The following CTNNAL1 variants were observed in gnomAD, a reference collection of about 807,000 sequenced individuals.
CTNNAL1 encodes alpha-catulin.
CTNNAL1 carries 69 observed loss-of-function variants against 93.6 expected under a neutral mutation model. The ratio of observed to expected loss-of-function variants is 0.74; its 90% CI spans 0.61 to 0.90. The LOEUF is 0.90. Among genes scored for constraint, CTNNAL1 ranks in the 40% least tolerant of loss-of-function variants. CTNNAL1 has a pLI of 0.00. For missense variants in CTNNAL1, 836 were observed against 862.0 expected (o/e 0.97, Z 0.38); for synonymous variants, 286 against 305.4 (o/e 0.94, Z 0.66).
chr9:108,983,272 T>G lies in CTNNAL1; in HGVS notation c.773A>C (p.Lys258Thr). 6.3e-7 allele frequency: 1 copy of G among 1,579,840 alleles called. No individual in the cohort carries two copies. ...HPNCESAHKN[K>T]EGVFDRMKVA... ...TTTCATACGGTCAAATACTCCTTCT[T>G]TGTTTTTATGGGCTGATTCGCAGTT... Residue 258 changes from lysine (K) to threonine (T), a missense_variant, in exon 6 of 19, where the codon AAA becomes ACA. Lys to Thr is a moderately conservative substitution (Grantham distance 78). Coordinates refer to ENST00000325551, the MANE Select transcript of CTNNAL1 (RefSeq NM_003798.4).
Position 108,977,084 on chromosome 9 carries a change from G to T in CTNNAL1, c.1102-36C>A, listed in dbSNP as rs776616104. The stretch of plus-strand genomic sequence containing the variant: ...TAAAAAGTATACATGTAATGTTACC[G>T]CATCTCTTTAATCTGTTAATTACAA... On this transcript the variant is annotated intron_variant, in intron 7 of 18. Coordinates refer to ENST00000325551, the MANE Select transcript of CTNNAL1 (RefSeq NM_003798.4). 2.7e-5 allele frequency: 26 copies of T among 948,476 alleles called. No individual in the cohort carries two copies. The Admixed American group carries it at 4.1e-4, about 15-fold the overall frequency. The allele number at this position is 948,476 out of a possible 1,614,324, so 58.8% of individuals were successfully genotyped here.
At position 108,999,212 on chromosome 9, in the gene CTNNAL1, A is replaced by G. The variant is rs1305134083; in HGVS notation, c.186T>C (p.Asp62=). ...INHKDNTKKS[D]KTLQAIQRVG... The stretch of plus-strand genomic sequence containing the variant: ...CACGCTGAATTGCTTGCAGAGTTTT[A>G]TCAGACTTTTTGGTATTATCTTTAT... The change falls in exon 2 of 19, where the codon GAT becomes GAC. Residue 62 remains aspartate, a synonymous_variant. Transcript: ENST00000325551. 6.2e-7 allele frequency: 1 copy of G among 1,610,894 alleles called. No individual in the cohort carries two copies. Among genetic ancestry groups the G allele is most frequent in the Non-Finnish European group, 8.5e-7 (1 of 1,179,188 alleles).
chr9:108,963,202 GA>G (rs1400272052), intron 11 of CTNNAL1, among the ~76,000 whole-genome samples: 2 of 152,210 alleles, frequency 1.3e-5, no homozygotes, highest in Non-Finnish European at 2.9e-5. Flanking sequence ...TCTTTCTTGA[GA>G]GGGGGGAAAA....
intron 15 of CTNNAL1, 41 bp downstream of exon 15, chr9:108,948,145 C>T: frequency 1.2e-6 from 2 of 1,601,220 alleles, no homozygotes; most frequent in Non-Finnish European, 1.7e-6. Context: ...CACTTTTAGC[C>T]CGAAATTAAA....
intron 2 of CTNNAL1, among the ~76,000 whole-genome samples, chr9:108,998,696 T>A (rs1832114796): frequency 6.6e-6 from 1 of 152,256 alleles, no homozygotes; most frequent in African/African-American, 2.4e-5. Context: ...TTGAAGTCAC[T>A]ATGATTTGTT....
At chr9:108,945,450 A>T (rs1587939195) in intron 15 of CTNNAL1, among the ~76,000 whole-genome samples, 1 of 146,000 alleles carries the variant, frequency 6.8e-6, no homozygotes, top group Admixed American at 6.8e-5. Flanking sequence ...GTTATATTTT[A>T]TTGGTTTTCT....
At chr9:108,952,600 A>C (rs1830594396) in intron 12 of CTNNAL1, 106 bp from the exon 13 acceptor site, 1 of 1,394,892 alleles carries the variant, frequency 7.2e-7, no homozygotes, top group African/African-American at 1.4e-5. Flanking sequence ...ACAAAAGTTT[A>C]AAATATTCAG....
chr9:108,963,176 T>A (rs529584242), intron 11 of CTNNAL1, among the ~76,000 whole-genome samples: 1 of 152,336 alleles, frequency 6.6e-6, no homozygotes, highest in South Asian at 2.1e-4. Context: ...AGAGAATAAC[T>A]GTTAAATGAC....
chr9:109,006,938 G>C (rs1827045802), intron 1 of CTNNAL1, among the ~76,000 whole-genome samples: 1 of 152,190 alleles, frequency 6.6e-6, no homozygotes, highest in South Asian at 2.1e-4. Context: ...GTACCCATCA[G>C]CCAGGCGTGG....
intron 5 of CTNNAL1, 106 bp downstream of exon 5, chr9:108,984,241 G>A: frequency 1.5e-6 from 1 of 679,098 alleles, no homozygotes; most frequent in Non-Finnish European, 2.6e-6. Context: ...TATGTTCTAA[G>A]TAATCACTTT....
chr9:108,983,444 C>T, intron 5 of CTNNAL1, 129 bp from the exon 6 acceptor site: 1 of 1,061,498 alleles, frequency 9.4e-7, no homozygotes, highest in Non-Finnish European at 1.2e-6. Flanking sequence ...CTGGCTCACT[C>T]AGCTGCTTCT....
At chr9:108,989,400 T>C (rs1301894614) in intron 4 of CTNNAL1, among the ~76,000 whole-genome samples, 3 of 152,148 alleles carry the variant, frequency 2.0e-5, no homozygotes, top group Admixed American at 6.5e-5. Context: ...AAATTTGTTT[T>C]ATAAAGAACA....
At chr9:108,978,701 C>A (rs1166946866) in intron 7 of CTNNAL1, among the ~76,000 whole-genome samples, 1 of 152,224 alleles carries the variant, frequency 6.6e-6, no homozygotes, top group African/African-American at 2.4e-5. Context: ...ACACCAACAG[C>A]CCATTTAAGG....
At chr9:108,997,382 T>G (rs532127375) in intron 2 of CTNNAL1, among the ~76,000 whole-genome samples, 18 of 152,310 alleles carry the variant, frequency 1.2e-4, no homozygotes, top group African/African-American at 3.4e-4. Flanking sequence ...CTGTCCTCAT[T>G]CGTTCACTTC....
rs778943445 is a variant in CTNNAL1, at chr9:108,999,034, T to C, written c.331+33A>G. The C allele has an allele frequency of 3.3e-5, 51 of 1,568,576 alleles. No individual in the cohort carries two copies. In the South Asian group the frequency reaches 4.5e-4, roughly 14 times the overall value. The stretch of plus-strand genomic sequence containing the variant: ...ATCATAACCAAAGCAATAAAAGTGG[T>C]ATGAATAGTCTTCAAAATCAATATC... On this transcript the variant is annotated intron_variant, in intron 2 of 18. Coordinates refer to ENST00000325551, the MANE Select transcript of CTNNAL1 (RefSeq NM_003798.4).
At chr9:108,989,321 G>A (rs1564142139) in intron 4 of CTNNAL1, among the ~76,000 whole-genome samples, 1 of 152,084 alleles carries the variant, frequency 6.6e-6, no homozygotes, top group Non-Finnish European at 1.5e-5. Context: ...AAATACTCAG[G>A]CTAATAATTA....
At chr9:108,966,502 T>C (rs555236492) in intron 10 of CTNNAL1, among the ~76,000 whole-genome samples, 2 of 152,222 alleles carry the variant, frequency 1.3e-5, no homozygotes, top group East Asian at 1.9e-4. Context: ...TGCCCCTCAG[T>C]GCTCTCTCCC....
chr9:108,992,486 A>G, intron 3 of CTNNAL1, 146 bp downstream of exon 3: 11 of 1,034,634 alleles, frequency 1.1e-5, no homozygotes, highest in South Asian at 3.7e-5. Flanking sequence ...CAGTGTGTCA[A>G]TGTATCCTGC....
intron 2 of CTNNAL1, among the ~76,000 whole-genome samples, chr9:108,995,423 A>C (rs1831980305): frequency 6.6e-6 from 1 of 152,334 alleles, no homozygotes; most frequent in African/African-American, 2.4e-5. Flanking sequence ...CATTTAACTC[A>C]TAAGTACGTG....
Sources: allele counts gnomAD v4.1 joint callset (sites outside exome capture counted in the v4.1 genomes callset), GRCh38; gene constraint gnomAD v4.1.1; transcripts MANE v1.5; gene names NCBI Gene and HGNC (gene_info 2026-07-23, HGNC 2026-07-21).